ROR1: variants seen among roughly 807,000 people sequenced by gnomAD.
ROR1 encodes inactive tyrosine-protein kinase transmembrane receptor ROR1.
ROR1 carries 19 observed loss-of-function variants against 78.8 expected under a neutral mutation model. That is an observed-to-expected ratio of 0.24 (90% CI 0.17 to 0.35). The LOEUF is 0.35. ROR1 is among the 10% of genes least tolerant of loss of function. The pLI is 1.00. For synonymous variants in ROR1, 386 were observed against 433.6 expected (o/e 0.89, Z 1.36); for missense variants, 917 against 1,177.8 (o/e 0.78, Z 3.24).
At chr1:64,172,044 C>T (rs981633559) in intron 8 of ROR1, among the ~76,000 whole-genome samples, 3 of 152,108 alleles carry the variant, frequency 2.0e-5, no homozygotes, top group Admixed American at 6.6e-5. Flanking sequence ...TGAGTCTGCC[C>T]TCTTTATCCA....
intron 4 of ROR1, among the ~76,000 whole-genome samples, chr1:64,090,736 A>G (rs899266094): frequency 6.6e-6 from 1 of 152,158 alleles, no homozygotes; most frequent in African/African-American, 2.4e-5. Flanking sequence ...AATCAATGTG[A>G]TGTCTTATTC....
At chr1:64,136,213 T>C (rs912608813) in intron 4 of ROR1, among the ~76,000 whole-genome samples, 2 of 152,150 alleles carry the variant, frequency 1.3e-5, no homozygotes, top group African/African-American at 4.8e-5. Flanking sequence ...GTCCAACTTG[T>C]AGATGAGAAA....
intron 4 of ROR1, among the ~76,000 whole-genome samples, chr1:64,098,222 C>G (rs897895025): frequency 6.6e-6 from 1 of 152,066 alleles, no homozygotes; most frequent in Non-Finnish European, 1.5e-5. Context: ...GGTGAAAGAC[C>G]CTTATCACAA....
At chr1:64,133,814 G>A (rs1340018247) in intron 4 of ROR1, among the ~76,000 whole-genome samples, 2 of 152,188 alleles carry the variant, frequency 1.3e-5, no homozygotes, top group Non-Finnish European at 2.9e-5. Flanking sequence ...AATTTGCTGA[G>A]CATGGAGTAA....
chr1:64,090,439 CT>C (rs926420842), intron 4 of ROR1, among the ~76,000 whole-genome samples: 1 of 152,152 alleles, frequency 6.6e-6, no homozygotes, highest in African/African-American at 2.4e-5. Flanking sequence ...TGTAAAAAAA[CT>C]CTTTGATGCT....
In ROR1 at chr1:64,121,059, CTTTTTTTTTTTTTTTTTTTTTTTTT is replaced by C. The variant is rs200292093; in HGVS notation, c.483-16295_483-16271del. ...CCACACTCCAGTCAGGGAGATACCC[CTTTTTTTTTTTTTTTTTTTTTTTTT>C]TTTTTTTTTTTTTTGCTCAGCCCTA... On this transcript the variant is annotated intron_variant, in intron 4 of 8. Coordinates refer to ENST00000371079, the MANE Select transcript of ROR1 (RefSeq NM_005012.4). Among the ~76,000 whole-genome samples, 68 of 82,016 alleles carry C rather than the reference CTTTTTTTTTTTTTTTTTTTTTTTTT, an allele frequency of 8.3e-4. No homozygotes were observed. The Middle Eastern group carries it at 0.019, about 23-fold the overall frequency. 53.8% of individuals were successfully genotyped at this position (82,016 alleles called of 152,430 possible).
Position 64,179,018 on chromosome 1 carries a change from C to A in ROR1, c.*163C>A, listed in dbSNP as rs1321481453. ...TGTCTTACCAAGCAGGACAGACACT[C>A]GGCCAGAAAAAAAAAAAAAAAAAAA... On this transcript the variant is annotated 3_prime_UTR_variant, in exon 9 of 9. Coordinates refer to ENST00000371079, the MANE Select transcript of ROR1 (RefSeq NM_005012.4). 3 of 188,474 alleles carry A rather than the reference C, an allele frequency of 1.6e-5. No homozygotes were observed. Among genetic ancestry groups the A allele is most frequent in the South Asian group, 1.6e-4 (1 of 6,172 alleles). 11.7% of individuals were successfully genotyped at this position (188,474 alleles called of 1,614,324 possible).
chr1:63,786,256 A>ATTTTT lies in ROR1; in HGVS notation c.91+11778_91+11782dup, dbSNP rs34933492. Among the ~76,000 whole-genome samples, 318 of 67,526 alleles carry ATTTTT rather than the reference A, an allele frequency of 4.7e-3. 20 individuals carry two copies. The highest frequency in any genetic ancestry group is 6.2e-3 in the Non-Finnish European group (220 of 35,328). The allele number at this position is 67,526 out of a possible 152,430, so 44.3% of individuals were successfully genotyped here. A position where few individuals can be genotyped will look rare whatever the true frequency, so the allele number is the denominator to read the frequency against. ...CCCCCCTTACGCTGGCTACAACTTG[A>ATTTTT]TTTTTTTTTTTTTTTTTTTTTTTTT... On this transcript the variant is annotated intron_variant, in intron 1 of 8. Coordinates refer to ENST00000371079, the MANE Select transcript of ROR1 (RefSeq NM_005012.4).
rs145031585 is a variant in ROR1, at chr1:64,078,673, A to T, written c.482+27957A>T. 6.4e-3 allele frequency among the ~76,000 whole-genome samples: 974 copies of T among 152,294 alleles called. 8 individuals are homozygous for T. Among genetic ancestry groups the T allele is most frequent in the African/African-American group, 0.022 (918 of 41,538 alleles). On this transcript the variant is annotated intron_variant, in intron 4 of 8. Coordinates refer to ENST00000371079, the MANE Select transcript of ROR1 (RefSeq NM_005012.4). ...TCACCCTCCTCTGATTGGAAGAAAG[A>T]TAAGAAGAGAACCAAAGACATAGAC... is the stretch of plus-strand genomic sequence containing the variant.
chr1:64,158,959 T>C (rs774394489), intron 7 of ROR1, 22 bp from the exon 8 acceptor site: 29 of 1,584,288 alleles, frequency 1.8e-5, no homozygotes, highest in Middle Eastern at 1.7e-4. Flanking sequence ...TAACTTTTGC[T>C]CTTTTTCATT....
rs994190417 is a variant in ROR1 at position 64,173,689 on chromosome 1, A to G, written c.1387-3739A>G. ...TTCTGTTTCCAAAGGCAAGTATATG[A>G]GAACAAATTTGCTTACCTCAGTGGA... On this transcript the variant is annotated intron_variant, in intron 8 of 8. Coordinates refer to ENST00000371079, the MANE Select transcript of ROR1 (RefSeq NM_005012.4). Among the ~76,000 whole-genome samples the G allele has an allele frequency of 3.9e-5, 6 of 152,354 alleles. No individual in the cohort carries two copies. The South Asian group carries it at 1.2e-3, about 32-fold the overall frequency.
chr1:64,163,811 G>C (rs958816126), intron 8 of ROR1, among the ~76,000 whole-genome samples: 2 of 152,016 alleles, frequency 1.3e-5, no homozygotes, highest in Non-Finnish European at 2.9e-5. Flanking sequence ...TTTTTAATTT[G>C]CTGTTCTTAC....
intron 1 of ROR1, among the ~76,000 whole-genome samples, chr1:63,932,500 A>G (rs1314817061): frequency 6.6e-6 from 1 of 152,170 alleles, no homozygotes; most frequent in Non-Finnish European, 1.5e-5. Flanking sequence ...AGTCATCATC[A>G]TGTAAATTCT....
chr1:63,887,949 T>C (rs1645368509), intron 1 of ROR1, among the ~76,000 whole-genome samples: 1 of 152,222 alleles, frequency 6.6e-6, no homozygotes, highest in African/African-American at 2.4e-5. Flanking sequence ...ATTTTTTCTA[T>C]TTTAACACAT....
At chr1:63,789,119 T>C (rs1239236008) in intron 1 of ROR1, 23 of 611,596 alleles carry the variant, frequency 3.8e-5, no homozygotes. Context: ...TTTCCTGGCA[T>C]CGAGCCTGGG....
chr1:63,784,060 G>T (rs903098142), intron 1 of ROR1, among the ~76,000 whole-genome samples: 3 of 151,880 alleles, frequency 2.0e-5, no homozygotes, highest in Non-Finnish European at 4.4e-5. Flanking sequence ...TCTGTCTGAT[G>T]ATTAAAATTC....
Position 64,177,538 on chromosome 1 carries a change from T to C in ROR1, c.1497T>C (p.His499=). The C allele has an allele frequency of 1.2e-6, 2 of 1,614,188 alleles. No homozygotes were observed. The highest frequency in any genetic ancestry group is 1.7e-6 in the Non-Finnish European group (2 of 1,180,024). Residue 499 remains histidine, a synonymous_variant, in exon 9 of 9, where the codon CAT becomes CAC. Coordinates refer to ENST00000371079, the MANE Select transcript of ROR1 (RefSeq NM_005012.4). ...KGHLYLPGMD[H]AQLVAIKTLK... ...ATCTCTATCTCCCAGGCATGGACCA[T>C]GCTCAGCTGGTTGCTATCAAGACCT...
At chr1:64,143,932 G>C (rs1649408709) in intron 7 of ROR1, among the ~76,000 whole-genome samples, 1 of 152,162 alleles carries the variant, frequency 6.6e-6, no homozygotes, top group Non-Finnish European at 1.5e-5. Flanking sequence ...GCTCACCTGG[G>C]CTGCTGGGTT....
intron 1 of ROR1, among the ~76,000 whole-genome samples, chr1:63,974,822 A>G (rs137860224): frequency 2.0e-5 from 3 of 151,992 alleles, no homozygotes; most frequent in African/African-American, 2.4e-5. Context: ...CTTATTTCTC[A>G]TATCTTTCTC....
Sources: allele counts gnomAD v4.1 joint callset (sites outside exome capture counted in the v4.1 genomes callset), GRCh38; gene constraint gnomAD v4.1.1; transcripts MANE v1.5; gene names NCBI Gene and HGNC (gene_info 2026-07-23, HGNC 2026-07-21).